The following THG1L variants were observed in gnomAD, a reference collection of about 807,000 sequenced individuals.
The protein encoded by THG1L is probable tRNA(His) guanylyltransferase.
THG1L carries 27 observed loss-of-function variants against 35.2 expected under a neutral mutation model. The ratio of observed to expected loss-of-function variants is 0.77; its 90% confidence interval spans 0.57 to 1.06. The LOEUF (loss-of-function observed/expected upper bound fraction) is 1.06. Ranked by LOEUF, THG1L falls within the 50% of genes least tolerant of loss-of-function variation. The probability of loss-of-function intolerance (pLI) is 0.00; values close to 1 mark genes in which losing one functional copy is unlikely to be tolerated. For missense variants in THG1L, 377 were observed against 371.8 expected (o/e 1.01, Z -0.12); for synonymous variants, 135 against 132.4 (o/e 1.02, Z -0.14).
At position 157,735,828 on chromosome 5, in the gene THG1L, A is replaced by G. The variant is rs149240662; in HGVS notation, c.539-18A>G. ...AGATTTTATGTATATAAACATTACT[A>G]TTTTGTTCTCCTCACAGGTCACATC... is the stretch of plus-strand genomic sequence containing the variant. On this transcript the variant is annotated intron_variant, in intron 3 of 5. Coordinates refer to ENST00000231198, the MANE Select transcript of THG1L (RefSeq NM_017872.5). 900 of 1,524,084 alleles carry G rather than the reference A, an allele frequency of 5.9e-4. 3 individuals are homozygous for G. The African/African-American group carries it at 0.011, about 18-fold the overall frequency. The allele number at this position is 1,524,084 out of a possible 1,614,324, so 94.4% of individuals were successfully genotyped here.
Position 157,737,934 on chromosome 5 carries a change from C to T in THG1L, c.675C>T (p.Asn225=). The change falls in exon 5 of 6, where the codon AAC becomes AAT. Residue 225 remains asparagine (N), a synonymous_variant. Transcript: ENST00000231198. ...DKNEILFSEF[N]INYNNELPMY... is the part of the protein sequence containing the mutation. ...ATGAGATTTTGTTTTCTGAATTCAA[C>T]ATCAACTATAATAATGAGCTGCCGA... 6.2e-7 allele frequency: 1 copy of T among 1,613,350 alleles called. No individual in the cohort carries two copies. The highest frequency in any genetic ancestry group is 1.1e-5 in the South Asian group (1 of 90,886).
At position 157,733,137 on chromosome 5, in the gene THG1L, G is replaced by T. The variant is rs964719868; in HGVS notation, c.368+93G>T. ...AATCGCAGACTTACAGGCTACAGAT[G>T]ATGTCTGCAGTATTTGTAACTGCAG... On this transcript the variant is annotated intron_variant, in intron 2 of 5. Transcript: ENST00000231198. 2.8e-6 allele frequency: 4 copies of T among 1,433,008 alleles called. No homozygotes were observed. In the African/African-American group the frequency reaches 4.2e-5, roughly 15 times the overall value. 88.8% of individuals were successfully genotyped at this position (1,433,008 alleles called of 1,614,324 possible). A position where few individuals can be genotyped will look rare whatever the true frequency, so the allele number is the denominator to read the frequency against.
intron 2 of THG1L, among the ~76,000 whole-genome samples, chr5:157,734,123 C>CA (rs1760803788): frequency 6.6e-6 from 1 of 152,144 alleles, no homozygotes; most frequent in Admixed American, 6.5e-5. Context: ...TGTGATGACT[C>CA]ACGCCTGTAA....
In THG1L at chr5:157,732,247, G is replaced by A. The variant is rs1219415128; in HGVS notation, c.191+616G>A. Reference sequence around the variant, plus strand: ...AAAAAAAAAAAAAAAAAAAAAAAGAGAGAGAGAGAGAGAAAGAAGGAAGAG... The same window carrying A: ...AAAAAAAAAAAAAAAAAAAAAAAGAAAGAGAGAGAGAGAAAGAAGGAAGAG... On this transcript the variant is annotated intron_variant, in intron 1 of 5. Transcript: ENST00000231198. Among the ~76,000 whole-genome samples, 799 of 112,222 alleles carry A rather than the reference G, an allele frequency of 7.1e-3. 9 individuals are homozygous for A. Among genetic ancestry groups the A allele is most frequent in the African/African-American group, 0.022 (613 of 27,786 alleles). The allele number at this position is 112,222 out of a possible 152,430, so 73.6% of individuals were successfully genotyped here. A position where few individuals can be genotyped will look rare whatever the true frequency, so the allele number is the denominator to read the frequency against.
At chr5:157,735,769 C>A in intron 3 of THG1L, 77 bp from the exon 4 acceptor site, 1 of 996,188 alleles carries the variant, frequency 1.0e-6, no homozygotes, top group South Asian at 1.5e-5. Context: ...AGGGTCAGGG[C>A]TCTAGTATTC....
chr5:157,733,160 C>T (rs1760774033), intron 2 of THG1L, 116 bp downstream of exon 2: 21 of 1,182,430 alleles, frequency 1.8e-5, no homozygotes, highest in Non-Finnish European at 2.5e-5. Flanking sequence ...TTTGTAACTG[C>T]AGAGTACATG....
At chr5:157,738,589 G>GTT (rs752004508) in intron 5 of THG1L, 2,428 of 369,378 alleles carry the variant, frequency 6.6e-3, no homozygotes, top group East Asian at 9.8e-3. Flanking sequence ...AAGTTTTTTT[G>GTT]TTTTTTTTTT....
intron 2 of THG1L, among the ~76,000 whole-genome samples, chr5:157,733,712 C>T (rs1760793438): frequency 6.6e-6 from 1 of 152,138 alleles, no homozygotes; most frequent in Admixed American, 6.5e-5. Context: ...GTGGCTCACG[C>T]CTGTAATCCC....
rs1367724799 is a variant in THG1L at position 157,736,391 on chromosome 5, A to G, written c.627+457A>G. Among the ~76,000 whole-genome samples, 3 of 152,132 alleles carry G rather than the reference A, an allele frequency of 2.0e-5. No individual in the cohort carries two copies. In the East Asian group the frequency reaches 5.8e-4, roughly 29 times the overall value. On this transcript the variant is annotated intron_variant, in intron 4 of 5. Coordinates refer to ENST00000231198, the MANE Select transcript of THG1L (RefSeq NM_017872.5). ...CAGCCTCCCAAGTAGCTGGGATTAC[A>G]GGTGCATGCCACCACACCCAGCTAA... is the stretch of plus-strand genomic sequence containing the variant.
At chr5:157,734,879 T>C (rs1360603073) in intron 3 of THG1L, 134 bp downstream of exon 3, 5 of 943,294 alleles carry the variant, frequency 5.3e-6, no homozygotes, top group Non-Finnish European at 7.4e-6. Flanking sequence ...ATTTAAATAT[T>C]TTTTCAATTA....
At chr5:157,737,733 C>T (rs919161785) in intron 4 of THG1L, among the ~76,000 whole-genome samples, 154 bp from the exon 5 acceptor site, 1 of 151,956 alleles carries the variant, frequency 6.6e-6, no homozygotes, top group African/African-American at 2.4e-5. Context: ...TCATAATTGC[C>T]CTTAAGATGA....
intron 1 of THG1L, 140 bp from the exon 2 acceptor site, chr5:157,732,727 TC>T (rs1410519235): frequency 1.1e-6 from 1 of 939,624 alleles, no homozygotes; most frequent in African/African-American, 1.6e-5. Flanking sequence ...AGAAAATGGA[TC>T]AGGTTGTGGC....
intron 5 of THG1L, 71 bp from the exon 6 acceptor site, chr5:157,739,250 C>A: frequency 1.3e-6 from 2 of 1,502,088 alleles, no homozygotes; most frequent in Non-Finnish European, 1.8e-6. Flanking sequence ...GTGAGCTATC[C>A]CCACATCTTT....
chr5:157,738,777 C>G (rs1436500548), intron 5 of THG1L: 2 of 287,430 alleles, frequency 7.0e-6, no homozygotes, highest in Non-Finnish European at 1.3e-5. Flanking sequence ...TAATGAGGAA[C>G]ATGGAATCCT....
At chr5:157,734,276 T>C (rs564421682) in intron 2 of THG1L, among the ~76,000 whole-genome samples, 26 of 152,170 alleles carry the variant, frequency 1.7e-4, no homozygotes, top group African/African-American at 5.8e-4. Context: ...TAATCCCAGC[T>C]ACTCGGGAGT....
intron 5 of THG1L, chr5:157,738,759 GT>G (rs1444050761): frequency 6.2e-6 from 2 of 320,010 alleles, no homozygotes; most frequent in African/African-American, 4.6e-5. Context: ...TAATTCTATA[GT>G]TATTGCTAAT....
At chr5:157,737,559 A>G (rs1200744928) in intron 4 of THG1L, among the ~76,000 whole-genome samples, 3 of 152,204 alleles carry the variant, frequency 2.0e-5, no homozygotes, top group Non-Finnish European at 4.4e-5. Flanking sequence ...TCGTAGAAGA[A>G]TAAGGACAAC....
chr5:157,731,608 G>A lies in THG1L; in HGVS notation c.168G>A (p.Arg56=), dbSNP rs1272950854. The change falls in exon 1 of 6, where the codon CGG becomes CGA. Residue 56 remains arginine, a synonymous_variant. Transcript: ENST00000231198. ...TGGCACACTGCTGGGTGGTAGTGCG[G>A]CTGGACGGCCGGAATTTCCATCGGT... ...TCLAHCWVVV[R]LDGRNFHRFA... 3 of 1,597,150 alleles carry A rather than the reference G, an allele frequency of 1.9e-6. No homozygotes were observed. In the Admixed American group the frequency reaches 5.2e-5, roughly 28 times the overall value.
intron 1 of THG1L, 67 bp downstream of exon 1, chr5:157,731,698 G>A: frequency 2.0e-6 from 3 of 1,528,848 alleles, no homozygotes; most frequent in Non-Finnish European, 1.8e-6. Context: ...TTCTTCCCTT[G>A]CAAGTCCTCC....
Sources: gnomAD v4.1 joint callset for allele counts (sites outside exome capture counted in the v4.1 genomes callset) on GRCh38, gnomAD v4.1.1 for gene constraint, MANE v1.5 for transcripts, NCBI Gene and HGNC (gene_info 2026-07-23, HGNC 2026-07-21) for gene names.